CUX1: variants seen among roughly 807,000 people sequenced by gnomAD.
The protein encoded by CUX1 is cut like homeobox 1.
A neutral mutation model predicts 158.8 loss-of-function variants in CUX1; 31 were observed. The ratio of observed to expected loss-of-function variants is 0.20; its 90% CI spans 0.15 to 0.26. The LOEUF is 0.26. CUX1 is among the 10% of genes least tolerant of loss of function. CUX1 has a pLI of 1.00. For missense variants in CUX1, 1,589 were observed against 2,014.6 expected (o/e 0.79, Z 4.04); for synonymous variants, 879 against 862.1 (o/e 1.02, Z -0.34).
At chr7:102,004,990 A>C (rs1190288629) in intron 2 of CUX1, among the ~76,000 whole-genome samples, 1 of 152,262 alleles carries the variant, frequency 6.6e-6, no homozygotes, top group Non-Finnish European at 1.5e-5. Context: ...AAATCCCAGC[A>C]GCTGGCTGGT....
chr7:102,158,081 C>G (rs1789981147), intron 8 of CUX1, among the ~76,000 whole-genome samples: 1 of 152,044 alleles, frequency 6.6e-6, no homozygotes, highest in African/African-American at 2.4e-5. Context: ...CTGCCAAGTG[C>G]CTTTTCCTAA....
intron 2 of CUX1, among the ~76,000 whole-genome samples, chr7:101,989,391 C>G (rs1452059158): frequency 2.0e-5 from 3 of 152,236 alleles, no homozygotes; most frequent in African/African-American, 7.2e-5. Flanking sequence ...GCCGTGATTT[C>G]ATCTCAGCCT....
intron 1 of CUX1, among the ~76,000 whole-genome samples, chr7:101,883,427 C>T (rs1211971695): frequency 6.6e-6 from 1 of 152,120 alleles, no homozygotes; most frequent in Non-Finnish European, 1.5e-5. Context: ...GCTTTAGTTC[C>T]TAAAGCTATT....
At chr7:102,167,409 G>A (rs1266888366) in intron 9 of CUX1, among the ~76,000 whole-genome samples, 1 of 152,208 alleles carries the variant, frequency 6.6e-6, no homozygotes, top group African/African-American at 2.4e-5. Flanking sequence ...ATGCCTGCTT[G>A]AGACCATGTA....
intron 3 of CUX1, among the ~76,000 whole-genome samples, chr7:102,054,099 C>T (rs1439938768): frequency 2.0e-5 from 3 of 152,150 alleles, no homozygotes; most frequent in Non-Finnish European, 4.4e-5. Context: ...TAAGCCACTG[C>T]ACCCAGCCTC....
At chr7:102,066,913 A>G (rs1328053153) in intron 3 of CUX1, among the ~76,000 whole-genome samples, 4 of 152,180 alleles carry the variant, frequency 2.6e-5, no homozygotes, top group Admixed American at 1.3e-4. Flanking sequence ...AACACAACAC[A>G]CTATCTTACG....
chr7:102,204,234 C>T (rs959076479), intron 18 of CUX1, among the ~76,000 whole-genome samples, 157 bp from the exon 19 acceptor site: 2 of 152,212 alleles, frequency 1.3e-5, no homozygotes, highest in African/African-American at 4.8e-5. Flanking sequence ...ATGCATATTC[C>T]CTGCCCACAA....
intron 20 of CUX1, among the ~76,000 whole-genome samples, chr7:102,208,747 C>A (rs1313274932): frequency 6.6e-6 from 1 of 152,158 alleles, no homozygotes; most frequent in Non-Finnish European, 1.5e-5. Context: ...ATGGCTACCC[C>A]AGAATCCTTT....
At chr7:101,953,201 T>G (rs1357535868) in intron 2 of CUX1, among the ~76,000 whole-genome samples, 1 of 152,228 alleles carries the variant, frequency 6.6e-6, no homozygotes, top group South Asian at 2.1e-4. Context: ...ACTGATTGAT[T>G]AATGTTTGGA....
chr7:101,818,272 A>ATAGC lies in CUX1; in HGVS notation c.30+605_30+608dup, dbSNP rs565810136. On this transcript the variant is annotated intron_variant, in intron 1 of 23. Transcript: ENST00000292535. ...ATTGGTCTACCCTGTTTTAGTAAAA[A>ATAGC]TAGCTCCCTTTTACCATAATTTAAT... Among the ~76,000 whole-genome samples, 45 of 152,356 alleles carry ATAGC rather than the reference A, an allele frequency of 3.0e-4. No individual in the cohort carries two copies. In the East Asian group the frequency reaches 8.5e-3, roughly 29 times the overall value.
chr7:102,164,298 C>T (rs553484362), intron 9 of CUX1, among the ~76,000 whole-genome samples: 3 of 152,362 alleles, frequency 2.0e-5, no homozygotes, highest in Admixed American at 2.0e-4. Flanking sequence ...ACTGGGACTA[C>T]AGGCATGAGC....
At chr7:101,952,023 G>T (rs1809123505) in intron 2 of CUX1, among the ~76,000 whole-genome samples, 1 of 152,198 alleles carries the variant, frequency 6.6e-6, no homozygotes, top group Non-Finnish European at 1.5e-5. Context: ...TTGAACTCCT[G>T]TCCTGTAGAG....
At chr7:102,114,945 G>A (rs1831290836) in intron 7 of CUX1, among the ~76,000 whole-genome samples, 1 of 151,950 alleles carries the variant, frequency 6.6e-6, no homozygotes, top group African/African-American at 2.4e-5. Context: ...AAGGAAGGGA[G>A]GGAGGGAGGG....
chr7:102,209,618 A>AG (rs1419679276), intron 20 of CUX1, among the ~76,000 whole-genome samples: 2 of 152,162 alleles, frequency 1.3e-5, no homozygotes, highest in Non-Finnish European at 1.5e-5. Flanking sequence ...TGGGATATAA[A>AG]GGGGGGTGTA....
chr7:102,244,246 G>A (rs1554536079), intron 23 of CUX1, among the ~76,000 whole-genome samples: 3 of 151,894 alleles, frequency 2.0e-5, no homozygotes, highest in Non-Finnish European at 2.9e-5. Flanking sequence ...TTTCTCAGGG[G>A]TTAAACAGGA....
intron 10 of CUX1, among the ~76,000 whole-genome samples, chr7:102,171,188 T>C (rs1586030539): frequency 6.6e-6 from 1 of 152,090 alleles, no homozygotes; most frequent in East Asian, 1.9e-4. Flanking sequence ...AGGAACAGCG[T>C]AGGAGCTAAG....
Position 102,240,595 on chromosome 7 carries a change from C to T in CUX1, c.3887+1011C>T, listed in dbSNP as rs140352892. Among the ~76,000 whole-genome samples the T allele has an allele frequency of 3.7e-3, 559 of 152,132 alleles. 8 individuals carry two copies. In the South Asian group the frequency reaches 0.047, roughly 13 times the overall value. Reference sequence around the variant, plus strand: ...TCTTAGTGATTTTGCAGTGCTTTCTCGGGGTCTTCTGCCATGTTATCTTCC... The same window carrying T: ...TCTTAGTGATTTTGCAGTGCTTTCTTGGGGTCTTCTGCCATGTTATCTTCC... On this transcript the variant is annotated intron_variant, in intron 23 of 23. Coordinates refer to ENST00000292535, the MANE Select transcript of CUX1 (RefSeq NM_181552.4).
Position 102,252,523 on chromosome 7 carries a change from T to C in CUX1, c.*3481T>C. 1.0e-6 allele frequency: 1 copy of C among 985,518 alleles called. No individual in the cohort carries two copies. The allele number at this position is 985,518 out of a possible 1,614,324, so 61.0% of individuals were successfully genotyped here. A position where few individuals can be genotyped will look rare whatever the true frequency, so the allele number is the denominator to read the frequency against. ...ATTTTAAATGGCTTCTTTTTGTTAA[T>C]TGGAGGCATTGTTCATAACTTAAGG... On this transcript the variant is annotated 3_prime_UTR_variant, in exon 24 of 24. Coordinates refer to ENST00000292535, the MANE Select transcript of CUX1 (RefSeq NM_181552.4).
intron 4 of CUX1, among the ~76,000 whole-genome samples, chr7:102,086,728 G>A (rs1308802305): frequency 6.6e-6 from 1 of 151,728 alleles, no homozygotes; most frequent in Admixed American, 6.6e-5. Context: ...TCCTGAATGT[G>A]GATGGCGTTT....
Sources: gnomAD v4.1 joint callset for allele counts (sites outside exome capture counted in the v4.1 genomes callset) on GRCh38, gnomAD v4.1.1 for gene constraint, MANE v1.5 for transcripts, NCBI Gene and HGNC (gene_info 2026-07-23, HGNC 2026-07-21) for gene names.